The following CDK17 variants were observed in gnomAD, a reference collection of about 807,000 sequenced individuals.
The protein encoded by CDK17 is cyclin dependent kinase 17.
A neutral mutation model predicts 77.6 loss-of-function variants in CDK17; 24 were observed. The observed-to-expected ratio is 0.31, with a 90% CI of 0.22 to 0.44. The LOEUF is 0.44. CDK17 is among the 20% of genes least tolerant of loss of function. CDK17 has a pLI of 1.00. For missense variants in CDK17, 429 were observed against 622.5 expected (o/e 0.69, Z 3.31); for synonymous variants, 203 against 210.4 (o/e 0.96, Z 0.30).
At chr12:96,373,174 G>C (rs1953719725) in intron 1 of CDK17, among the ~76,000 whole-genome samples, 2 of 152,220 alleles carry the variant, frequency 1.3e-5, no homozygotes, top group South Asian at 4.1e-4. Flanking sequence ...AAGAGAAACT[G>C]AGAATAAGTC....
In CDK17 at chr12:96,331,725, C is replaced by T. The variant is rs142227180; in HGVS notation, c.118+2994G>A. On this transcript the variant is annotated intron_variant, in intron 2 of 16. Transcript: ENST00000261211. ...GATTATGGGTATAAGTATAACCAAA[C>T]GCATCATACCCATAATTTCTCCAAC... Among the ~76,000 whole-genome samples the T allele has an allele frequency of 9.8e-4, 149 of 152,154 alleles. 1 individual carries two copies. Among genetic ancestry groups the T allele is most frequent in the African/African-American group, 3.2e-3 (132 of 41,508 alleles).
In CDK17 at chr12:96,343,378, G is replaced by A. The variant is rs12579828; in HGVS notation, c.-29-8513C>T. Among the ~76,000 whole-genome samples, 65 of 152,252 alleles carry A rather than the reference G, an allele frequency of 4.3e-4. 1 individual carries two copies. The East Asian group carries it at 8.3e-3, about 19-fold the overall frequency. Reference sequence around the variant, plus strand: ...GAATAGCAGCCCCCATCTCTGGAGCGACTTATTAGTGCCATAGCAGGCAGT... The same window carrying A: ...GAATAGCAGCCCCCATCTCTGGAGCAACTTATTAGTGCCATAGCAGGCAGT... On this transcript the variant is annotated intron_variant, in intron 1 of 16. Transcript: ENST00000261211.
intron 1 of CDK17, among the ~76,000 whole-genome samples, chr12:96,392,062 C>T (rs761258319): frequency 3.9e-5 from 6 of 151,978 alleles, no homozygotes; most frequent in Admixed American, 6.6e-5. Flanking sequence ...AAAAAAAACA[C>T]GGCCTCTCTG....
chr12:96,337,120 A>G (rs1411617290), intron 1 of CDK17, among the ~76,000 whole-genome samples: 1 of 152,116 alleles, frequency 6.6e-6, no homozygotes, highest in Non-Finnish European at 1.5e-5. Context: ...ATGCAATCCA[A>G]TTGGGACTGA....
intron 1 of CDK17, among the ~76,000 whole-genome samples, chr12:96,397,168 G>A (rs7976881): frequency 0.86 from 130,119 of 152,178 alleles, 55,702 homozygotes; most frequent in African/African-American, 0.87. Context: ...ATCTAGTTTC[G>A]CCATAATTGT....
chr12:96,395,580 T>C (rs1438650618), intron 1 of CDK17, among the ~76,000 whole-genome samples: 3 of 152,138 alleles, frequency 2.0e-5, no homozygotes, highest in Admixed American at 6.5e-5. Context: ...GTAGAGGAGG[T>C]AAATAATTAA....
At chr12:96,300,468 C>T in intron 5 of CDK17, 108 bp from the exon 6 acceptor site, 1 of 639,700 alleles carries the variant, frequency 1.6e-6, no homozygotes. Flanking sequence ...ACAATCTTGG[C>T]TTACTGCAAC....
intron 2 of CDK17, among the ~76,000 whole-genome samples, chr12:96,332,967 A>C (rs1952992459): frequency 1.3e-5 from 2 of 152,208 alleles, no homozygotes; most frequent in Admixed American, 1.3e-4. Context: ...TCTTTGACTC[A>C]TATCTTTTCT....
intron 1 of CDK17, among the ~76,000 whole-genome samples, chr12:96,385,468 AC>A (rs1315794169): frequency 6.6e-6 from 1 of 152,138 alleles, no homozygotes; most frequent in African/African-American, 2.4e-5. Flanking sequence ...CACGCAATAT[AC>A]CCATGTAACG....
intron 1 of CDK17, among the ~76,000 whole-genome samples, chr12:96,337,304 T>TA (rs1211890200): frequency 6.6e-6 from 1 of 152,058 alleles, no homozygotes; most frequent in Non-Finnish European, 1.5e-5. Flanking sequence ...GCTCAGCTTT[T>TA]ATCTTCTTAC....
In CDK17 at chr12:96,289,171, T is replaced by C. The variant is rs1274368442; in HGVS notation, c.1114A>G (p.Met372Val). ...GSSEYSTQIDMWGVGCIFFEM... is the reference protein window; with the variant it reads ...GSSEYSTQIDVWGVGCIFFEM... ...GTGACATCTGTATATATTTACCACATGTCAATCTGTGTTGAGTACTCCGAG... is the reference window on the plus strand; with the variant it reads ...GTGACATCTGTATATATTTACCACACGTCAATCTGTGTTGAGTACTCCGAG... The change falls in exon 11 of 17, where the codon ATG becomes GTG. Residue 372 changes from methionine to valine, a missense_variant. Physicochemically the swap from Met to Val is conservative, Grantham distance 21 (BLOSUM62 1). Coordinates refer to ENST00000261211, the MANE Select transcript of CDK17 (RefSeq NM_002595.5). The C allele has an allele frequency of 3.1e-6, 5 of 1,613,856 alleles. No individual in the cohort carries two copies. The African/African-American group carries it at 5.3e-5, about 17-fold the overall frequency.
At chr12:96,376,994 C>T (rs1236948191) in intron 1 of CDK17, among the ~76,000 whole-genome samples, 1 of 152,126 alleles carries the variant, frequency 6.6e-6, no homozygotes, top group African/African-American at 2.4e-5. Flanking sequence ...GATCAGTAAT[C>T]AGAAAGTTGA....
chr12:96,280,132 T>C lies in CDK17; in HGVS notation c.*110A>G. 9.2e-7 allele frequency: 1 copy of C among 1,086,478 alleles called. No individual in the cohort carries two copies. The highest frequency in any genetic ancestry group is 1.3e-6 in the Non-Finnish European group (1 of 756,222). The allele number at this position is 1,086,478 out of a possible 1,614,324, so 67.3% of individuals were successfully genotyped here. Reference sequence around the variant, plus strand: ...AAAGACTCCACTGTGAAGAGGACAGTGTAGACAAACGGAGATTCCAAGTCC... The same window carrying C: ...AAAGACTCCACTGTGAAGAGGACAGCGTAGACAAACGGAGATTCCAAGTCC... On this transcript the variant is annotated 3_prime_UTR_variant, in exon 17 of 17. Transcript: ENST00000261211.
chr12:96,391,791 A>G (rs1345687309), intron 1 of CDK17, among the ~76,000 whole-genome samples: 1 of 152,218 alleles, frequency 6.6e-6, no homozygotes, highest in Non-Finnish European at 1.5e-5. Flanking sequence ...GCAATTAAAC[A>G]GTCTCAATAA....
chr12:96,312,057 C>T (rs1952651684), intron 4 of CDK17, among the ~76,000 whole-genome samples: 1 of 152,106 alleles, frequency 6.6e-6, no homozygotes, highest in Non-Finnish European at 1.5e-5. Flanking sequence ...GGCGCAGTGG[C>T]TCAAGCCTGT....
At chr12:96,290,268 C>T (rs1244508494) in intron 10 of CDK17, among the ~76,000 whole-genome samples, 2 of 152,124 alleles carry the variant, frequency 1.3e-5, no homozygotes, top group African/African-American at 4.8e-5. Flanking sequence ...GTGAGAGAGT[C>T]GCTATTACCT....
chr12:96,280,253 TGCTCTG>T lies in CDK17; in HGVS notation c.1555_1560del (p.Gln519_Ser520del). 1 of 1,551,276 alleles carries T rather than the reference TGCTCTG, an allele frequency of 6.4e-7. No individual in the cohort carries two copies. The highest frequency in any genetic ancestry group is 8.7e-7 in the Non-Finnish European group (1 of 1,146,764). On this transcript the variant is annotated inframe_deletion, in exon 17 of 17. Coordinates refer to ENST00000261211, the MANE Select transcript of CDK17 (RefSeq NM_002595.5). Reference sequence around the variant, plus strand: ...CCATGTTATCAGACTTAAAAGAGCATGCTCTGTCTTCTGTTCTTCCCATGTCCTAAA... The same window carrying T: ...CCATGTTATCAGACTTAAAAGAGCATTCTTCTGTTCTTCCCATGTCCTAAA...
intron 9 of CDK17, 127 bp from the exon 10 acceptor site, chr12:96,295,249 A>C (rs7487420): frequency 0.6 from 367,860 of 612,194 alleles, 113,471 homozygotes; most frequent in East Asian, 0.86. Context: ...GTAATTGCAT[A>C]CTTAAGTACA....
At chr12:96,298,061 C>T (rs564950121) in intron 7 of CDK17, among the ~76,000 whole-genome samples, 2 of 152,140 alleles carry the variant, frequency 1.3e-5, no homozygotes, top group East Asian at 1.9e-4. Context: ...AAGGCCAAGG[C>T]GGGCGGATCG....
Sources: gnomAD v4.1 joint callset for allele counts (sites outside exome capture counted in the v4.1 genomes callset) on GRCh38, gnomAD v4.1.1 for gene constraint, MANE v1.5 for transcripts, NCBI Gene and HGNC (gene_info 2026-07-23, HGNC 2026-07-21) for gene names.